Variants in LUC7L2 observed in about 807,000 individuals in gnomAD.
LUC7L2 encodes LUC7 like 2, pre-mRNA splicing factor.
In LUC7L2, 25 loss-of-function variants were observed where a neutral mutation model predicts 52.8. That is an observed-to-expected ratio of 0.47 (90% CI 0.34 to 0.66). LUC7L2 has a LOEUF of 0.66. Ranked by LOEUF, LUC7L2 falls within the 30% of genes least tolerant of loss-of-function variation. The probability of loss-of-function intolerance (pLI) is 0.01; values close to 1 mark genes in which losing one functional copy is unlikely to be tolerated. For missense variants in LUC7L2, 328 were observed against 497.8 expected (o/e 0.66, Z 3.25); for synonymous variants, 144 against 160.9 (o/e 0.89, Z 0.80).
intron 1 of LUC7L2, chr7:139,341,376 G>T: frequency 1.2e-6 from 2 of 1,611,286 alleles, no homozygotes; most frequent in South Asian, 1.1e-5. Context: ...CTCGGAGAAG[G>T]ACAGGACAAT....
At chr7:139,408,611 A>G (rs890959268) in intron 6 of LUC7L2, among the ~76,000 whole-genome samples, 7 of 152,322 alleles carry the variant, frequency 4.6e-5, no homozygotes, top group African/African-American at 1.4e-4. Context: ...TGGGAGGCCA[A>G]GGCGGGCGGA....
At chr7:139,374,991 A>AGTTCTTGCTTCAGTAATTCACCAGTAG in intron 1 of LUC7L2, 1 of 985,702 alleles carries the variant, frequency 1.0e-6, no homozygotes, top group African/African-American at 1.7e-5. Flanking sequence ...TGGCACCAAT[A>AGTTCTTGCTTCAGTAATTCACCAGTAG]GTTCTTGCTT....
chr7:139,361,620 A>G (rs1250691344), intron 1 of LUC7L2, among the ~76,000 whole-genome samples: 1 of 152,200 alleles, frequency 6.6e-6, no homozygotes, highest in African/African-American at 2.4e-5. Flanking sequence ...GTAGAGAGGA[A>G]AGATTGGGAA....
intron 8 of LUC7L2, among the ~76,000 whole-genome samples, chr7:139,415,054 G>GTTTTTTTTTTTTT (rs1171809951): frequency 1.7e-4 from 9 of 54,182 alleles, no homozygotes; most frequent in East Asian, 5.4e-4. Flanking sequence ...GCCCTGCTAA[G>GTTTTTTTTTTTTT]TTTTTTTTTT....
At chr7:139,350,248 A>T (rs1275862464) in intron 1 of LUC7L2, among the ~76,000 whole-genome samples, 4 of 151,950 alleles carry the variant, frequency 2.6e-5, no homozygotes, top group Non-Finnish European at 5.9e-5. Context: ...CAGCCTCCTG[A>T]GTAGCTGGGA....
Position 139,423,115 on chromosome 7 carries a change from T to TA in LUC7L2, c.*782dup, listed in dbSNP as rs1038883501. On this transcript the variant is annotated 3_prime_UTR_variant, in exon 10 of 10. Transcript: ENST00000354926. ...GAGTATAAAGGCTACACCCTTATTG[T>TA]AAAAAAATAATAATAATAAAATGAA... is the stretch of plus-strand genomic sequence containing the variant. 2.3e-5 allele frequency: 9 copies of TA among 398,792 alleles called. No individual in the cohort carries two copies. Among genetic ancestry groups the TA allele is most frequent in the African/African-American group, 4.1e-5 (2 of 48,598 alleles). The allele number at this position is 398,792 out of a possible 1,614,324, so 24.7% of individuals were successfully genotyped here. A position where few individuals can be genotyped will look rare whatever the true frequency, so the allele number is the denominator to read the frequency against.
chr7:139,417,229 C>G, intron 8 of LUC7L2: 1 of 242,962 alleles, frequency 4.1e-6, no homozygotes, highest in Non-Finnish European at 8.3e-6. Context: ...TTTATAGAGA[C>G]AGAGTTTCGC....
Position 139,376,060 on chromosome 7 carries a change from A to C in LUC7L2, c.62-2A>C. The C allele has an allele frequency of 6.2e-7, 1 of 1,613,636 alleles. No homozygotes were observed. The highest frequency in any genetic ancestry group is 8.5e-7 in the Non-Finnish European group (1 of 1,179,838). ...AATGTTATTAACTCTTCTATATTAC[A>C]GGAGATACAACTCGTCAACGAATCA... On this transcript the variant is annotated splice_acceptor_variant, in intron 1 of 9. Transcript: ENST00000354926. LOFTEE classifies it high-confidence loss of function.
intron 7 of LUC7L2, among the ~76,000 whole-genome samples, chr7:139,410,411 T>C (rs1345096556): frequency 6.6e-6 from 1 of 152,212 alleles, no homozygotes; most frequent in Non-Finnish European, 1.5e-5. Flanking sequence ...AGCCATAAAC[T>C]ATTAAAAAGT....
chr7:139,417,481 TAAATGAGAAATATAGTAATTAC>T (rs1296212302), intron 8 of LUC7L2, 35 bp from the exon 9 acceptor site: 13 of 1,556,798 alleles, frequency 8.4e-6, no homozygotes, highest in African/African-American at 1.4e-5. Context: ...AAGGCTTTAA[TAAATGAGAAATATAGTAATTAC>T]AAAGGTAGAA....
chr7:139,392,033 T>C (rs1471209001), intron 2 of LUC7L2, among the ~76,000 whole-genome samples: 1 of 152,208 alleles, frequency 6.6e-6, no homozygotes, highest in East Asian at 1.9e-4. Flanking sequence ...TTTGCCACCT[T>C]CTCTTTTCTC....
Position 139,415,421 on chromosome 7 carries a change from GAATA to G in LUC7L2, c.810-2114_810-2111del, listed in dbSNP as rs1795549659. ...AATTACCTAGAATTTTTAAAAAGAT[GAATA>G]AAGTTATACATTGGAAGAAATGGCA... is the stretch of plus-strand genomic sequence containing the variant. On this transcript the variant is annotated intron_variant, in intron 8 of 9. Transcript: ENST00000354926. Among the ~76,000 whole-genome samples, 3 of 152,032 alleles carry G rather than the reference GAATA, an allele frequency of 2.0e-5. No homozygotes were observed. In the East Asian group the frequency reaches 5.8e-4, roughly 29 times the overall value.
intron 1 of LUC7L2, among the ~76,000 whole-genome samples, chr7:139,343,176 G>C (rs1301861778): frequency 6.6e-6 from 1 of 152,162 alleles, no homozygotes; most frequent in Non-Finnish European, 1.5e-5. Context: ...GAATTCCCAT[G>C]TCAAATTCCA....
At chr7:139,419,770 T>C (rs1342114914) in intron 9 of LUC7L2, among the ~76,000 whole-genome samples, 4 of 152,226 alleles carry the variant, frequency 2.6e-5, no homozygotes, top group Admixed American at 6.5e-5. Context: ...ATATCTAAGA[T>C]GTCAGCATGT....
chr7:139,422,127 C>T, intron 9 of LUC7L2, 36 bp from the exon 10 acceptor site: 3 of 1,564,950 alleles, frequency 1.9e-6, no homozygotes, highest in Non-Finnish European at 1.7e-6. Flanking sequence ...TTTGGGTTTC[C>T]CAACATATTT....
chr7:139,345,759 C>G (rs948915743), intron 1 of LUC7L2: 9 of 1,518,134 alleles, frequency 5.9e-6, no homozygotes, highest in Non-Finnish European at 7.1e-6. Context: ...TAATTTCTAT[C>G]AATATGTATT....
intron 3 of LUC7L2, among the ~76,000 whole-genome samples, chr7:139,401,151 A>G (rs1439374012): frequency 6.6e-6 from 1 of 152,028 alleles, no homozygotes; most frequent in Non-Finnish European, 1.5e-5. Context: ...AGATACTGCT[A>G]AAATTCTCAA....
At chr7:139,411,634 T>A (rs528592728) in intron 7 of LUC7L2, among the ~76,000 whole-genome samples, 40 of 151,876 alleles carry the variant, frequency 2.6e-4, no homozygotes, top group African/African-American at 8.5e-4. Context: ...CAAAAAAAAA[T>A]AATAATCCCT....
intron 2 of LUC7L2, among the ~76,000 whole-genome samples, chr7:139,385,748 A>G (rs1461390418): frequency 6.6e-6 from 1 of 152,204 alleles, no homozygotes; most frequent in Non-Finnish European, 1.5e-5. Context: ...TTTCAGTGTC[A>G]TATTGATTTC....
Sources: allele counts gnomAD v4.1 joint callset (sites outside exome capture counted in the v4.1 genomes callset), GRCh38; gene constraint gnomAD v4.1.1; transcripts MANE v1.5; gene names NCBI Gene and HGNC (gene_info 2026-07-23, HGNC 2026-07-21).